The following LRRC4B variants were observed in gnomAD, a reference collection of about 807,000 sequenced individuals.
LRRC4B encodes the protein leucine-rich repeat-containing protein 4B.
LRRC4B carries 1 observed loss-of-function variant against 7.3 expected under a neutral mutation model. That is an observed-to-expected ratio of 0.14 (90% CI 0.05 to 0.65). The LOEUF (loss-of-function observed/expected upper bound fraction) is 0.65, where lower values mean the gene tolerates loss of function less well. Ranked by LOEUF, LRRC4B falls within the 30% of genes least tolerant of loss-of-function variation. The pLI is 0.84. For synonymous variants in LRRC4B, 500 were observed against 499.2 expected (o/e 1.00, Z -0.02); for missense variants, 730 against 1,041.6 (o/e 0.70, Z 4.12).
chr19:50,553,455 C>T lies in LRRC4B; in HGVS notation c.-35-4582G>A, dbSNP rs893937357. Among the ~76,000 whole-genome samples, 5 of 152,216 alleles carry T rather than the reference C, an allele frequency of 3.3e-5. No homozygotes were observed. Among genetic ancestry groups the T allele is most frequent in the African/African-American group, 1.2e-4 (5 of 41,462 alleles). On this transcript the variant is annotated intron_variant, in intron 1 of 2. Coordinates refer to ENST00000652263, the MANE Select transcript of LRRC4B (RefSeq NM_001080457.2). The surrounding 1 kb of genome is among the most constrained non-coding windows in gnomAD (Gnocchi z 4.2). Reference sequence around the variant, plus strand: ...CGCTGTTTCCAGAACAGGCCGTGCACACCCCGGCCCCAGGGCCTTTGCACC... The same window carrying T: ...CGCTGTTTCCAGAACAGGCCGTGCATACCCCGGCCCCAGGGCCTTTGCACC...
intron 1 of LRRC4B, among the ~76,000 whole-genome samples, chr19:50,561,491 T>G (rs756524620): frequency 6.6e-6 from 1 of 152,190 alleles, no homozygotes; most frequent in African/African-American, 2.4e-5. Context: ...CCCAGCACTT[T>G]GGGAGGCCAA....
At chr19:50,520,486 C>G (rs1980529439) in intron 2 of LRRC4B, among the ~76,000 whole-genome samples, 1 of 151,348 alleles carries the variant, frequency 6.6e-6, no homozygotes, top group South Asian at 2.1e-4. Flanking sequence ...AAAAATTAGC[C>G]AGGCGTGGTG....
intron 2 of LRRC4B, among the ~76,000 whole-genome samples, chr19:50,527,908 A>AT (rs1463717335): frequency 6.6e-6 from 1 of 151,206 alleles, no homozygotes; most frequent in Non-Finnish European, 1.5e-5. Context: ...CACCCGGCTA[A>AT]TTTTTTGTAT....
intron 2 of LRRC4B, among the ~76,000 whole-genome samples, chr19:50,532,990 T>C (rs1240886345): frequency 6.6e-6 from 1 of 152,208 alleles, no homozygotes; most frequent in East Asian, 1.9e-4. Flanking sequence ...TCCAACCTAT[T>C]CTGCTTTTTA....
At position 50,563,264 on chromosome 19, in the gene LRRC4B, C is replaced by G. The variant is rs1982529014; in HGVS notation, c.-36+4680G>C. The stretch of plus-strand genomic sequence containing the variant: ...GGGTTTCCAGGCAACAAGGGGCATC[C>G]TGCCACTCTCCTTACTCTCCTGCCA... On this transcript the variant is annotated intron_variant, in intron 1 of 2. Coordinates refer to ENST00000652263, the MANE Select transcript of LRRC4B (RefSeq NM_001080457.2). The surrounding 1 kb of genome is among the most constrained non-coding windows in gnomAD (Gnocchi z 4.9). Among the ~76,000 whole-genome samples the G allele has an allele frequency of 6.6e-6, 1 of 152,194 alleles. No homozygotes were observed. Among genetic ancestry groups the G allele is most frequent in the Admixed American group, 6.5e-5 (1 of 15,284 alleles).
intron 1 of LRRC4B, among the ~76,000 whole-genome samples, chr19:50,564,408 G>A (rs1470421133): frequency 6.6e-6 from 1 of 152,052 alleles, no homozygotes; most frequent in Non-Finnish European, 1.5e-5. Flanking sequence ...AGGCAGACAG[G>A]CTGGCAGGAA....
intron 1 of LRRC4B, among the ~76,000 whole-genome samples, chr19:50,567,154 G>C (rs1432386315): frequency 6.7e-6 from 1 of 150,346 alleles, no homozygotes; most frequent in Non-Finnish European, 1.5e-5. Context: ...TCCAGGAGGA[G>C]AGGTTTCCAG....
chr19:50,539,245 C>G lies in LRRC4B; in HGVS notation c.297+9297G>C, dbSNP rs532702826. Among the ~76,000 whole-genome samples the G allele has an allele frequency of 7.9e-5, 12 of 152,326 alleles. No individual in the cohort carries two copies. In the East Asian group the frequency reaches 2.3e-3, roughly 29 times the overall value. On this transcript the variant is annotated intron_variant, in intron 2 of 2. Transcript: ENST00000652263. ...GCTGCCCCACTTTGGCTGTCTGGGC[C>G]TGGCTTCTCCACACTGACTCTCAGG...
chr19:50,550,029 C>T (rs1981986240), intron 1 of LRRC4B, among the ~76,000 whole-genome samples: 1 of 152,182 alleles, frequency 6.6e-6, no homozygotes, highest in African/African-American at 2.4e-5. Context: ...TGAGTCACAG[C>T]AACGATACCA....
intron 1 of LRRC4B, among the ~76,000 whole-genome samples, chr19:50,552,052 C>CG (rs1434461564): frequency 2.0e-5 from 3 of 152,102 alleles, no homozygotes; most frequent in East Asian, 3.9e-4. Context: ...TCGGGGGAAG[C>CG]GGGGGAGGAA....
intron 1 of LRRC4B, among the ~76,000 whole-genome samples, chr19:50,557,101 G>C (rs1490920922): frequency 6.6e-6 from 1 of 152,170 alleles, no homozygotes; most frequent in Non-Finnish European, 1.5e-5. Flanking sequence ...AGAGGATGAG[G>C]CCGCGGCTGG....
At chr19:50,542,159 C>T (rs1024976969) in intron 2 of LRRC4B, among the ~76,000 whole-genome samples, 6 of 152,016 alleles carry the variant, frequency 3.9e-5, no homozygotes, top group South Asian at 2.1e-4. Flanking sequence ...GAGGGTAAGG[C>T]GGGGATATGA....
In LRRC4B at chr19:50,565,752, C is replaced by A. The variant is rs547438877; in HGVS notation, c.-36+2192G>T. On this transcript the variant is annotated intron_variant, in intron 1 of 2. Transcript: ENST00000652263. ...GCAGGCACCCCGCGGGTCTGTCCCA[C>A]CCTCCCTGAGTCTGTGGCTCCCTGC... Among the ~76,000 whole-genome samples, 725 of 151,986 alleles carry A rather than the reference C, an allele frequency of 4.8e-3. 1 individual carries two copies. Among genetic ancestry groups the A allele is most frequent in the Non-Finnish European group, 6.3e-3 (431 of 67,952 alleles).
intron 2 of LRRC4B, among the ~76,000 whole-genome samples, chr19:50,535,773 C>T (rs149779282): frequency 0.015 from 2,329 of 152,316 alleles, 72 homozygotes; most frequent in African/African-American, 0.053. Context: ...TCCTCCCATT[C>T]ATCCTCCTGG....
chr19:50,565,064 C>G (rs1053767532), intron 1 of LRRC4B, among the ~76,000 whole-genome samples: 1 of 152,156 alleles, frequency 6.6e-6, no homozygotes, highest in Non-Finnish European at 1.5e-5. Context: ...TGAGGAGCCC[C>G]GTGGCGAGAG....
intron 2 of LRRC4B, among the ~76,000 whole-genome samples, chr19:50,525,139 T>A (rs1229417940): frequency 6.6e-6 from 1 of 152,082 alleles, no homozygotes; most frequent in African/African-American, 2.4e-5. Context: ...CAGAGCCCTG[T>A]TCAAATCCCG....
intron 1 of LRRC4B, among the ~76,000 whole-genome samples, chr19:50,560,634 A>G (rs1259263597): frequency 6.6e-6 from 1 of 151,392 alleles, no homozygotes; most frequent in Non-Finnish European, 1.5e-5. Context: ...TGTTGAGGAA[A>G]ACTGGGTTGA....
At chr19:50,543,262 G>A (rs897708024) in intron 2 of LRRC4B, among the ~76,000 whole-genome samples, 5 of 152,074 alleles carry the variant, frequency 3.3e-5, no homozygotes, top group African/African-American at 7.2e-5. Flanking sequence ...CAACCAAGGC[G>A]GCAGGTCACA....
At position 50,537,169 on chromosome 19, in the gene LRRC4B, G is replaced by A. The variant is rs959686119; in HGVS notation, c.297+11373C>T. Among the ~76,000 whole-genome samples, 2 of 152,136 alleles carry A rather than the reference G, an allele frequency of 1.3e-5. No homozygotes were observed. Among genetic ancestry groups the A allele is most frequent in the African/African-American group, 4.8e-5 (2 of 41,420 alleles). ...TACGAATTAGGAAGCATTACGAATC[G>A]CGTTGAAAAAACCAAGTTCTGCAGC... On this transcript the variant is annotated intron_variant, in intron 2 of 2. Coordinates refer to ENST00000652263, the MANE Select transcript of LRRC4B (RefSeq NM_001080457.2). This position sits in a 1 kb window ranked among gnomAD's most constrained non-coding sequence, Gnocchi z 5.5.
Sources: allele counts gnomAD v4.1 joint callset (sites outside exome capture counted in the v4.1 genomes callset), GRCh38; gene constraint gnomAD v4.1.1; non-coding constraint Gnocchi (gnomAD v3.1); transcripts MANE v1.5; gene names NCBI Gene and HGNC (gene_info 2026-07-23, HGNC 2026-07-21).